The following ECHDC3 variants were observed in gnomAD, a reference collection of about 807,000 sequenced individuals.
The protein encoded by ECHDC3 is enoyl-CoA hydratase domain containing 3.
Under a neutral mutation model 17.9 loss-of-function variants are expected in ECHDC3, and 20 were observed. The observed-to-expected ratio is 1.12, with a 90% confidence interval of 0.79 to 1.63. ECHDC3 has a LOEUF of 1.63. Ranked by LOEUF, ECHDC3 falls within the 40% of genes most tolerant of loss-of-function variation. The pLI, the probability that ECHDC3 is intolerant of heterozygous loss-of-function variation, is 0.00. For synonymous variants in ECHDC3, 177 were observed against 149.7 expected (o/e 1.18, Z -1.33); for missense variants, 407 against 357.7 (o/e 1.14, Z -1.11).
intron 1 of ECHDC3, among the ~76,000 whole-genome samples, chr10:11,743,605 C>T (rs1025103102): frequency 3.3e-5 from 5 of 152,244 alleles, no homozygotes; most frequent in African/African-American, 4.8e-5. Flanking sequence ...CTACAGACAG[C>T]TGCTCTTGGC....
chr10:11,745,399 T>C (rs1207944097), intron 1 of ECHDC3, among the ~76,000 whole-genome samples: 5 of 152,160 alleles, frequency 3.3e-5, no homozygotes, highest in African/African-American at 1.2e-4. Context: ...CAATATTTGA[T>C]GGAGAGGTTT....
intron 1 of ECHDC3, among the ~76,000 whole-genome samples, chr10:11,745,362 T>C (rs777395665): frequency 6.6e-6 from 1 of 152,166 alleles, no homozygotes; most frequent in African/African-American, 2.4e-5. Flanking sequence ...GATGGCAGCT[T>C]TTTATATTTG....
In ECHDC3 at chr10:11,742,413, C is replaced by G. The variant is rs2133783566; in HGVS notation, c.-164C>G. On this transcript the variant is annotated 5_prime_UTR_variant, in exon 1 of 5. Transcript: ENST00000379215. Reference sequence around the variant, plus strand: ...CGGACTGGGCCTGGCCTGGGGCGTCCCCGCGAAGCCTGGGCCTGTCAGGCG... The same window carrying G: ...CGGACTGGGCCTGGCCTGGGGCGTCGCCGCGAAGCCTGGGCCTGTCAGGCG... The G allele has an allele frequency of 1.8e-6, 1 of 551,692 alleles. No individual in the cohort carries two copies. The highest frequency in any genetic ancestry group is 2.5e-6 in the Non-Finnish European group (1 of 394,130). The allele number at this position is 551,692 out of a possible 1,614,324, so 34.2% of individuals were successfully genotyped here. A position where few individuals can be genotyped will look rare whatever the true frequency, so the allele number is the denominator to read the frequency against.
At chr10:11,761,206 C>T (rs903223633) in intron 4 of ECHDC3, among the ~76,000 whole-genome samples, 1 of 152,160 alleles carries the variant, frequency 6.6e-6, no homozygotes, top group Non-Finnish European at 1.5e-5. Flanking sequence ...CTTCTAGATC[C>T]GTGGTTCTAA....
intron 3 of ECHDC3, among the ~76,000 whole-genome samples, chr10:11,750,674 AAAT>A (rs1475850281): frequency 6.6e-6 from 1 of 152,250 alleles, no homozygotes; most frequent in Non-Finnish European, 1.5e-5. Context: ...ACATAAGAAA[AAAT>A]TGTTTTCTGC....
At chr10:11,754,824 G>A (rs1354862878) in intron 3 of ECHDC3, among the ~76,000 whole-genome samples, 1 of 152,216 alleles carries the variant, frequency 6.6e-6, no homozygotes, top group Non-Finnish European at 1.5e-5. Flanking sequence ...CCCTGCGGCA[G>A]CCCCCACCAA....
chr10:11,763,186 A>C lies in ECHDC3; in HGVS notation c.592-38A>C. 2 of 728,218 alleles carry C rather than the reference A, an allele frequency of 2.7e-6. No individual in the cohort carries two copies. The highest frequency in any genetic ancestry group is 1.7e-5 in the African/African-American group (1 of 58,638). The allele number at this position is 728,218 out of a possible 1,614,324, so 45.1% of individuals were successfully genotyped here. On this transcript the variant is annotated intron_variant, in intron 4 of 4. Coordinates refer to ENST00000379215, the MANE Select transcript of ECHDC3 (RefSeq NM_024693.5). The surrounding 1 kb of genome is among the most constrained non-coding windows in gnomAD (Gnocchi z 4.9). ...GACTCAGGTGGCGGGGGCGGGTCAC[A>C]GGAGAGCACCTCAGTGACATCCCGT...
chr10:11,762,824 G>A (rs1405698190), intron 4 of ECHDC3, among the ~76,000 whole-genome samples: 2 of 152,060 alleles, frequency 1.3e-5, no homozygotes, highest in Non-Finnish European at 2.9e-5. Context: ...ATTGTGGGAG[G>A]TGGCCCCAGT....
At position 11,763,024 on chromosome 10, in the gene ECHDC3, T is replaced by C. The variant is rs1300061431; in HGVS notation, c.592-200T>C. Among the ~76,000 whole-genome samples the C allele has an allele frequency of 6.6e-6, 1 of 152,270 alleles. No homozygotes were observed. The highest frequency in any genetic ancestry group is 2.4e-5 in the African/African-American group (1 of 41,550). On this transcript the variant is annotated intron_variant, in intron 4 of 4. Coordinates refer to ENST00000379215, the MANE Select transcript of ECHDC3 (RefSeq NM_024693.5). This position sits in a 1 kb window ranked among gnomAD's most constrained non-coding sequence, Gnocchi z 4.9. ...GAGCAAGAGAACACGGGACAGCCAC[T>C]GCTCCCCTGGGCCTGGTGTGGTTTC...
intron 3 of ECHDC3, 71 bp downstream of exon 3, chr10:11,749,663 G>A (rs1476245526): frequency 1.4e-5 from 20 of 1,455,900 alleles, no homozygotes; most frequent in South Asian, 4.6e-5. Context: ...GTTCGCCTTC[G>A]ACCTTACAGA....
chr10:11,742,481 C>CGTCGAGTTCT lies in ECHDC3; in HGVS notation c.-93_-92insGAGTTCTGTC. ...GCCACCGTCGAGTTCCGTCGAGTTCCGTCCCGGCCCTGCTCACAGCAGCGC... is the reference window on the plus strand; with the variant it reads ...GCCACCGTCGAGTTCCGTCGAGTTCCGTCGAGTTCTGTCCCGGCCCTGCTCACAGCAGCGC... On this transcript the variant is annotated 5_prime_UTR_variant, in exon 1 of 5. Coordinates refer to ENST00000379215, the MANE Select transcript of ECHDC3 (RefSeq NM_024693.5). 1 of 1,169,152 alleles carries CGTCGAGTTCT rather than the reference C, an allele frequency of 8.6e-7. No individual in the cohort carries two copies. The highest frequency in any genetic ancestry group is 1.1e-6 in the Non-Finnish European group (1 of 931,870). 72.4% of individuals were successfully genotyped at this position (1,169,152 alleles called of 1,614,324 possible).
intron 4 of ECHDC3, among the ~76,000 whole-genome samples, chr10:11,760,562 C>G (rs181942716): frequency 6.6e-6 from 1 of 152,214 alleles, no homozygotes; most frequent in East Asian, 1.9e-4. Flanking sequence ...ACAAAGGGAT[C>G]GATAAGGTTG....
intron 4 of ECHDC3, among the ~76,000 whole-genome samples, chr10:11,758,855 G>A (rs752674252): frequency 2.0e-5 from 3 of 152,226 alleles, no homozygotes; most frequent in Non-Finnish European, 2.9e-5. Context: ...GACTCTTTCC[G>A]TAGTGCTCCT....
At chr10:11,759,871 C>T (rs1004836753) in intron 4 of ECHDC3, among the ~76,000 whole-genome samples, 13 of 152,192 alleles carry the variant, frequency 8.5e-5, no homozygotes, top group African/African-American at 3.1e-4. Context: ...AGCCTTGCAC[C>T]TGCTATCTCT....
In ECHDC3 at chr10:11,763,833, A is replaced by G; in HGVS notation, c.*289A>G. On this transcript the variant is annotated 3_prime_UTR_variant, in exon 5 of 5. Coordinates refer to ENST00000379215, the MANE Select transcript of ECHDC3 (RefSeq NM_024693.5). This position sits in a 1 kb window ranked among gnomAD's most constrained non-coding sequence, Gnocchi z 4.9. ...CTCCTTGCAACGTCTTAAGCAAGCG[A>G]CCCCCCGACATAGCAAAAGGTGGCA... is the stretch of plus-strand genomic sequence containing the variant. The G allele has an allele frequency of 2.0e-6, 2 of 1,018,184 alleles. No individual in the cohort carries two copies. The highest frequency in any genetic ancestry group is 3.6e-5 in the South Asian group (1 of 28,034). 63.1% of individuals were successfully genotyped at this position (1,018,184 alleles called of 1,614,324 possible).
chr10:11,747,536 A>G, intron 2 of ECHDC3, 66 bp downstream of exon 2: 1 of 1,561,126 alleles, frequency 6.4e-7, no homozygotes, highest in Non-Finnish European at 8.7e-7. Flanking sequence ...GTCTTTAGTA[A>G]ACTGGGGCAT....
chr10:11,751,046 C>T (rs1832818149), intron 3 of ECHDC3, among the ~76,000 whole-genome samples: 1 of 152,222 alleles, frequency 6.6e-6, no homozygotes, highest in African/African-American at 2.4e-5. Flanking sequence ...TCGTTTCCTA[C>T]ATTAATGATG....
intron 3 of ECHDC3, among the ~76,000 whole-genome samples, chr10:11,752,753 G>A (rs1588463882): frequency 6.6e-6 from 1 of 152,110 alleles, no homozygotes; most frequent in African/African-American, 2.4e-5. Context: ...CCATTTTACA[G>A]ATGTGAAAAT....
chr10:11,763,847 C>G lies in ECHDC3; in HGVS notation c.*303C>G. 1.8e-6 allele frequency: 2 copies of G among 1,103,674 alleles called. No individual in the cohort carries two copies. The highest frequency in any genetic ancestry group is 3.3e-5 in the South Asian group (1 of 30,532). The allele number at this position is 1,103,674 out of a possible 1,614,324, so 68.4% of individuals were successfully genotyped here. ...TTAAGCAAGCGACCCCCCGACATAG[C>G]AAAAGGTGGCAACCCATGGAGGCAG... On this transcript the variant is annotated 3_prime_UTR_variant, in exon 5 of 5. Transcript: ENST00000379215. This position sits in a 1 kb window ranked among gnomAD's most constrained non-coding sequence, Gnocchi z 4.9.
Sources: allele counts gnomAD v4.1 joint callset (sites outside exome capture counted in the v4.1 genomes callset), GRCh38; gene constraint gnomAD v4.1.1; non-coding constraint Gnocchi (gnomAD v3.1); transcripts MANE v1.5; gene names NCBI Gene and HGNC (gene_info 2026-07-23, HGNC 2026-07-21).